TULP4: variants seen among roughly 807,000 people sequenced by gnomAD.
TULP4 encodes the protein tubby-related protein 4.
Under a neutral mutation model 129.0 loss-of-function variants are expected in TULP4, and 16 were observed. The observed-to-expected ratio is 0.12, with a 90% CI of 0.08 to 0.19. TULP4 has a LOEUF of 0.19. Among genes scored for constraint, TULP4 ranks in the 10% least tolerant of loss-of-function variants. TULP4 has a pLI of 1.00. For synonymous variants in TULP4, 998 were observed against 854.0 expected, an observed-to-expected ratio of 1.17 and a Z score of -2.94; for missense variants, 1,842 against 2,059.1, an observed-to-expected ratio of 0.89 and a Z score of 2.04.
intron 1 of TULP4, among the ~76,000 whole-genome samples, chr6:158,292,957 T>C (rs1778970821): frequency 6.6e-6 from 1 of 152,194 alleles, no homozygotes; most frequent in South Asian, 2.1e-4. Flanking sequence ...TGCCCCCCTT[T>C]TTAATGAAGG....
At chr6:158,298,816 A>G (rs1293032711) in intron 1 of TULP4, among the ~76,000 whole-genome samples, 2 of 152,196 alleles carry the variant, frequency 1.3e-5, no homozygotes, top group African/African-American at 2.4e-5. Context: ...GGCAGTGGCA[A>G]TGCCCAATGT....
chr6:158,309,238 C>T (rs1191135438), upstream of TULP4, among the ~76,000 whole-genome samples: 10 of 124,596 alleles, frequency 8.0e-5, no homozygotes, highest in East Asian at 9.9e-4. Context: ...AGAGACGCTC[C>T]TCACCTCCCA....
Position 158,425,153 on chromosome 6 carries a change from C to CAAAAAAA in TULP4, c.382-4562_382-4556dup, listed in dbSNP as rs562712423. ...TGGGTGGCAGAGTGAGACACCATCT[C>CAAAAAAA]AAAAAAAAAAAAAAAAAAAAAAAAA... On this transcript the variant is annotated intron_variant, in intron 2 of 13. Transcript: ENST00000367097. Among the ~76,000 whole-genome samples the CAAAAAAA allele has an allele frequency of 2.3e-4, 9 of 39,804 alleles. 1 individual carries two copies. The highest frequency in any genetic ancestry group is 2.9e-4 in the Non-Finnish European group (7 of 24,258). 26.1% of individuals were successfully genotyped at this position (39,804 alleles called of 152,430 possible). A position where few individuals can be genotyped will look rare whatever the true frequency, so the allele number is the denominator to read the frequency against.
In TULP4 at chr6:158,313,943, C is replaced by T; in HGVS notation, c.-74C>T. 1 of 1,549,042 alleles carries T rather than the reference C, an allele frequency of 6.5e-7. No individual in the cohort carries two copies. Among genetic ancestry groups the T allele is most frequent in the Non-Finnish European group, 8.7e-7 (1 of 1,145,638 alleles). ...CAAGCCAACCACAAAAACACATATA[C>T]CAATGAAAGAAATTGGTTTAAATTT... is the stretch of plus-strand genomic sequence containing the variant. On this transcript the variant is annotated 5_prime_UTR_variant, in exon 1 of 14. Transcript: ENST00000367097.
chr6:158,413,564 G>C lies in TULP4; in HGVS notation c.381+371G>C, dbSNP rs534211890. Among the ~76,000 whole-genome samples the C allele has an allele frequency of 1.5e-3, 221 of 152,158 alleles. No individual in the cohort carries two copies. Among genetic ancestry groups the C allele is most frequent in the African/African-American group, 5.0e-3 (209 of 41,540 alleles). The stretch of plus-strand genomic sequence containing the variant: ...ATCTTCCCTGTGTTGTCATCTCAGC[G>C]GTCTCATGGAGAGCTTCACGTGACT... On this transcript the variant is annotated intron_variant, in intron 2 of 13. Coordinates refer to ENST00000367097, the MANE Select transcript of TULP4 (RefSeq NM_020245.5). The surrounding 1 kb of genome is among the most constrained non-coding windows in gnomAD (Gnocchi z 4.9).
At chr6:158,323,537 C>CA (rs1197630910) in intron 1 of TULP4, among the ~76,000 whole-genome samples, 8 of 151,906 alleles carry the variant, frequency 5.3e-5, no homozygotes, top group Non-Finnish European at 8.8e-5. Context: ...GCTAGGTGAC[C>CA]ACATCTACCT....
chr6:158,328,284 A>G (rs1039040655), intron 1 of TULP4, among the ~76,000 whole-genome samples: 2 of 151,790 alleles, frequency 1.3e-5, no homozygotes, highest in Non-Finnish European at 2.9e-5. Context: ...GCAGCTTTGC[A>G]CCTGTTATTG....
chr6:158,410,817 A>T (rs1335545129), intron 1 of TULP4, among the ~76,000 whole-genome samples: 1 of 152,162 alleles, frequency 6.6e-6, no homozygotes, highest in Non-Finnish European at 1.5e-5. Context: ...AAACTAAGCT[A>T]AAAAAATGAA....
intron 9 of TULP4, 35 bp downstream of exon 9, chr6:158,489,767 G>T (rs116336835): frequency 6.2e-6 from 10 of 1,612,804 alleles, no homozygotes; most frequent in Non-Finnish European, 8.5e-6. Flanking sequence ...GTCCTTTCTT[G>T]TGCCTCTGAA....
chr6:158,467,363 T>A (rs1779577583), intron 6 of TULP4, among the ~76,000 whole-genome samples: 2 of 148,794 alleles, frequency 1.3e-5, no homozygotes, highest in South Asian at 4.3e-4. Context: ...CACTGCAACC[T>A]CTGCCTCCCA....
intron 9 of TULP4, among the ~76,000 whole-genome samples, chr6:158,489,954 A>G (rs1562588380): frequency 6.6e-6 from 1 of 152,202 alleles, no homozygotes; most frequent in Non-Finnish European, 1.5e-5. Context: ...CTACACCCTC[A>G]GAACTTCTCT....
chr6:158,394,500 A>G (rs143301054), intron 1 of TULP4, among the ~76,000 whole-genome samples: 4,525 of 152,144 alleles, frequency 0.03, 106 homozygotes, highest in South Asian at 0.097. Context: ...AACTACCTGC[A>G]TGGCTGGGCG....
intron 1 of TULP4, among the ~76,000 whole-genome samples, chr6:158,350,328 G>A (rs1007622174): frequency 1.3e-5 from 2 of 150,306 alleles, no homozygotes; most frequent in Non-Finnish European, 1.5e-5. Flanking sequence ...ATGGGGTGGC[G>A]GGCGGGCAGA....
At position 158,494,740 on chromosome 6, in the gene TULP4, C is replaced by T. The variant is rs1163441893; in HGVS notation, c.1777-13C>T. 19 of 1,596,982 alleles carry T rather than the reference C, an allele frequency of 1.2e-5. No individual in the cohort carries two copies. Among genetic ancestry groups the T allele is most frequent in the Middle Eastern group, 1.7e-4 (1 of 5,986 alleles). On this transcript the variant is annotated splice_polypyrimidine_tract_variant and intron_variant, in intron 10 of 13. Coordinates refer to ENST00000367097, the MANE Select transcript of TULP4 (RefSeq NM_020245.5). ...GATTGTGATTCTTCTTTTTTCTTTT[C>T]TTCCTACCGCAGCACAACTATCTTG...
At chr6:158,274,893 G>A (rs1261437654) in intron 1 of TULP4, among the ~76,000 whole-genome samples, 1 of 152,210 alleles carries the variant, frequency 6.6e-6, no homozygotes, top group Non-Finnish European at 1.5e-5. Flanking sequence ...CAACGTCCTG[G>A]TCTTTTCCGT....
At chr6:158,331,855 T>G (rs139857976) in intron 1 of TULP4, among the ~76,000 whole-genome samples, 3 of 146,792 alleles carry the variant, frequency 2.0e-5, no homozygotes, top group African/African-American at 7.5e-5. Context: ...CACAGTGGGT[T>G]AAACACAGGA....
chr6:158,279,656 ACTCT>A (rs1455814234), upstream of TULP4, among the ~76,000 whole-genome samples: 1 of 151,572 alleles, frequency 6.6e-6, no homozygotes, highest in South Asian at 2.1e-4. Context: ...GAAAATGGAG[ACTCT>A]CTCTCTCCCA....
chr6:158,262,084 G>A lies in TULP4; in HGVS notation n.68+29781G>A, dbSNP rs1051316697. Reference sequence around the variant, plus strand: ...GGATTCTGTTGGTGAGGAAGAAAGGGAGACTGGACACTGGGTAGAGGGCTG... The same window carrying A: ...GGATTCTGTTGGTGAGGAAGAAAGGAAGACTGGACACTGGGTAGAGGGCTG... On this transcript the variant is annotated intron_variant and non_coding_transcript_variant, in intron 1 of 1. Transcript: ENST00000620026. Among the ~76,000 whole-genome samples the A allele has an allele frequency of 2.0e-5, 3 of 152,324 alleles. No individual in the cohort carries two copies. In the East Asian group the frequency reaches 5.8e-4, roughly 29 times the overall value.
chr6:158,234,019 A>G (rs533103979), intron 1 of TULP4, among the ~76,000 whole-genome samples: 1 of 152,346 alleles, frequency 6.6e-6, no homozygotes, highest in East Asian at 1.9e-4. Context: ...TGTTTTCAAC[A>G]CAATGGAACT....
Sources: gnomAD v4.1 joint callset for allele counts (sites outside exome capture counted in the v4.1 genomes callset) on GRCh38, gnomAD v4.1.1 for gene constraint, Gnocchi (gnomAD v3.1) non-coding constraint, MANE v1.5 for transcripts, NCBI Gene and HGNC (gene_info 2026-07-23, HGNC 2026-07-21) for gene names.